The following PTGFRN variants were observed in gnomAD, a reference collection of about 807,000 sequenced individuals.
The protein encoded by PTGFRN is prostaglandin F2 receptor negative regulator.
A neutral mutation model predicts 83.2 loss-of-function variants in PTGFRN; 35 were observed. The observed-to-expected ratio is 0.42, with a 90% confidence interval of 0.32 to 0.56. The LOEUF is 0.56. Ranked by LOEUF, PTGFRN falls within the 20% of genes least tolerant of loss-of-function variation. The pLI is 0.11. For synonymous variants in PTGFRN, 519 were observed against 498.6 expected, an observed-to-expected ratio of 1.04 and a Z score of -0.55; for missense variants, 1,051 against 1,179.5, an observed-to-expected ratio of 0.89 and a Z score of 1.60.
intron 1 of PTGFRN, among the ~76,000 whole-genome samples, chr1:116,915,977 C>G (rs1649395199): frequency 6.6e-6 from 1 of 152,154 alleles, no homozygotes; most frequent in South Asian, 2.1e-4. Context: ...CTATTTCTCC[C>G]CACACCAACT....
intron 1 of PTGFRN, among the ~76,000 whole-genome samples, chr1:116,925,253 C>T (rs573573074): frequency 5.3e-5 from 8 of 152,116 alleles, no homozygotes; most frequent in African/African-American, 1.7e-4. Context: ...CATGGTGAAA[C>T]CCTGTCTTCG....
chr1:116,925,199 G>A (rs1411507417), intron 1 of PTGFRN, among the ~76,000 whole-genome samples: 5 of 152,096 alleles, frequency 3.3e-5, no homozygotes, highest in African/African-American at 9.7e-5. Flanking sequence ...AGGCTGAGGC[G>A]GGCGGATCGC....
At chr1:116,910,288 A>G in intron 1 of PTGFRN, 36 bp downstream of exon 1, 1 of 1,382,632 alleles carries the variant, frequency 7.2e-7, no homozygotes, top group Non-Finnish European at 9.3e-7. Flanking sequence ...GCACACGGGG[A>G]CTGGCGAGGC....
chr1:116,919,392 G>A lies in PTGFRN; in HGVS notation c.49+9140G>A, dbSNP rs557851213. On this transcript the variant is annotated intron_variant, in intron 1 of 8. Coordinates refer to ENST00000393203, the MANE Select transcript of PTGFRN (RefSeq NM_020440.4). ...GCATTTATTTTGTGCCAGGCACTAC[G>A]CTTTTCTTTTCTTTTCTTTTTTTTA... is the stretch of plus-strand genomic sequence containing the variant. 1.2e-4 allele frequency among the ~76,000 whole-genome samples: 18 copies of A among 152,128 alleles called. No homozygotes were observed. The South Asian group carries it at 3.1e-3, about 26-fold the overall frequency.
intron 7 of PTGFRN, among the ~76,000 whole-genome samples, chr1:116,976,353 A>T (rs1293123531): frequency 2.6e-5 from 4 of 152,174 alleles, no homozygotes; most frequent in African/African-American, 9.7e-5. Context: ...CCAACATTCA[A>T]CTTCAGGAAA....
intron 2 of PTGFRN, 53 bp from the exon 3 acceptor site, chr1:116,944,626 G>T (rs1650138896): frequency 2.2e-6 from 3 of 1,349,132 alleles, no homozygotes; most frequent in African/African-American, 1.5e-5. Context: ...GCTGGCCCTT[G>T]CCGGCTGGGG....
At chr1:116,947,738 C>T (rs1415936703) in intron 3 of PTGFRN, among the ~76,000 whole-genome samples, 2 of 152,224 alleles carry the variant, frequency 1.3e-5, no homozygotes, top group Non-Finnish European at 2.9e-5. Context: ...TGGCCACAAG[C>T]TTTGACTGTA....
intron 4 of PTGFRN, among the ~76,000 whole-genome samples, chr1:116,959,965 C>CAA (rs371241957): frequency 1.5e-5 from 2 of 135,458 alleles, no homozygotes; most frequent in Non-Finnish European, 3.2e-5. Flanking sequence ...TAAGACTGTC[C>CAA]AAAAAAAAAA....
At chr1:116,978,717 G>A (rs1225137800) in intron 7 of PTGFRN, among the ~76,000 whole-genome samples, 3 of 152,076 alleles carry the variant, frequency 2.0e-5, no homozygotes, top group East Asian at 3.9e-4. Context: ...TTGATGGGAC[G>A]TATCTCAAAA....
chr1:116,962,456 C>A (rs939465874), intron 5 of PTGFRN: 3 of 152,254 alleles, frequency 2.0e-5, no homozygotes, highest in Admixed American at 2.0e-4. Flanking sequence ...CGGGTTCCAC[C>A]AGAAATTCTA....
intron 1 of PTGFRN, among the ~76,000 whole-genome samples, chr1:116,919,843 A>G (rs1216194787): frequency 6.6e-6 from 1 of 152,264 alleles, no homozygotes; most frequent in Admixed American, 6.5e-5. Flanking sequence ...CTTGTCTTTC[A>G]AGACAGGAGG....
At chr1:116,967,617 A>G (rs1367984537) in intron 6 of PTGFRN, among the ~76,000 whole-genome samples, 1 of 152,180 alleles carries the variant, frequency 6.6e-6, no homozygotes, top group Non-Finnish European at 1.5e-5. Flanking sequence ...TGCAGCAACC[A>G]TGATCTACTT....
intron 6 of PTGFRN, among the ~76,000 whole-genome samples, chr1:116,968,625 G>A (rs951262860): frequency 2.6e-5 from 4 of 152,074 alleles, no homozygotes; most frequent in Admixed American, 2.6e-4. Flanking sequence ...TCACAGAGTT[G>A]TGCAACTATC....
chr1:116,910,612 GCGGTCCCGGCC>G (rs1649243467), intron 1 of PTGFRN, among the ~76,000 whole-genome samples: 1 of 151,998 alleles, frequency 6.6e-6, no homozygotes, highest in Non-Finnish European at 1.5e-5. Context: ...GGAAGGTGCT[GCGGTCCCGGCC>G]CGGGTCCTCG....
chr1:116,962,425 CCAAGATCAGA>C (rs1274931082), intron 5 of PTGFRN: 8 of 152,224 alleles, frequency 5.3e-5, no homozygotes, highest in Non-Finnish European at 1.2e-4. Context: ...TGCTTAGCTT[CCAAGATCAGA>C]CGAGATCAGG....
intron 6 of PTGFRN, among the ~76,000 whole-genome samples, chr1:116,970,045 G>C (rs1047844298): frequency 1.6e-4 from 25 of 152,146 alleles, no homozygotes; most frequent in Non-Finnish European, 1.9e-4. Context: ...TCTGTGAATA[G>C]AACTAGTTTT....
At chr1:116,951,963 AC>A (rs1291642450) in intron 4 of PTGFRN, among the ~76,000 whole-genome samples, 1 of 152,034 alleles carries the variant, frequency 6.6e-6, no homozygotes, top group Non-Finnish European at 1.5e-5. Flanking sequence ...CCTGACAAGC[AC>A]TCTGTTGATA....
At chr1:116,969,937 A>G (rs1347571035) in intron 6 of PTGFRN, among the ~76,000 whole-genome samples, 1 of 152,108 alleles carries the variant, frequency 6.6e-6, no homozygotes, top group African/African-American at 2.4e-5. Context: ...TTGTATATTG[A>G]TCTTGTATCC....
At chr1:116,922,320 G>A (rs1387937893) in intron 1 of PTGFRN, among the ~76,000 whole-genome samples, 1 of 152,170 alleles carries the variant, frequency 6.6e-6, no homozygotes, top group Non-Finnish European at 1.5e-5. Flanking sequence ...TTCTTCAAAG[G>A]ACTATGACCT....
Sources: allele counts gnomAD v4.1 joint callset (sites outside exome capture counted in the v4.1 genomes callset), GRCh38; gene constraint gnomAD v4.1.1; transcripts MANE v1.5; gene names NCBI Gene and HGNC (gene_info 2026-07-23, HGNC 2026-07-21).